LINGO2: variants seen among roughly 807,000 people sequenced by gnomAD.
LINGO2 encodes the protein leucine rich repeat and Ig domain containing 2.
Under a neutral mutation model 30.6 loss-of-function variants are expected in LINGO2, and 14 were observed. That is an observed-to-expected ratio of 0.46 (90% confidence interval 0.30 to 0.72). The LOEUF is 0.72. Among genes scored for constraint, LINGO2 ranks in the 30% least tolerant of loss-of-function variants. The pLI, the probability that LINGO2 is intolerant of heterozygous loss-of-function variation, is 0.07. For missense variants in LINGO2, 729 were observed against 751.7 expected, an observed-to-expected ratio of 0.97 and a Z score of 0.35; for synonymous variants, 317 against 288.5, an observed-to-expected ratio of 1.10 and a Z score of -1.00.
At chr9:29,087,453 A>T in the LINGO2 span, among the ~76,000 whole-genome samples, 1 of 152,192 alleles carries the variant, frequency 6.6e-6, no homozygotes, top group Non-Finnish European at 1.5e-5. Context: ...GAAGGAAAAG[A>T]AGCTCAAAGA....
At chr9:29,044,910 A>T in the LINGO2 span, among the ~76,000 whole-genome samples, 1 of 152,126 alleles carries the variant, frequency 6.6e-6, no homozygotes, top group African/African-American at 2.4e-5. Context: ...AAAATGGAAC[A>T]AGTATAACAA....
chr9:28,075,175 T>C (rs7033571), intron 4 of LINGO2, among the ~76,000 whole-genome samples: 15,042 of 151,896 alleles, frequency 0.099, 803 homozygotes, highest in Middle Eastern at 0.14. Context: ...AAATAGTGTT[T>C]AGTTTTACAT....
the LINGO2 span, among the ~76,000 whole-genome samples, chr9:29,141,847 G>A: frequency 6.6e-6 from 1 of 151,792 alleles, no homozygotes; most frequent in Admixed American, 6.6e-5. Flanking sequence ...TTCATCAGGA[G>A]CTATAAATAT....
At chr9:28,125,566 T>G (rs1169797476) in intron 4 of LINGO2, among the ~76,000 whole-genome samples, 2 of 152,164 alleles carry the variant, frequency 1.3e-5, no homozygotes, top group Non-Finnish European at 2.9e-5. Flanking sequence ...GACCCAACCT[T>G]ATGAACATAT....
intron 1 of LINGO2, among the ~76,000 whole-genome samples, chr9:28,621,773 C>T (rs1016107349): frequency 1.1e-4 from 17 of 151,508 alleles, no homozygotes; most frequent in African/African-American, 3.9e-4. Context: ...TTTTTGTTTC[C>T]CAGTGCATAT....
chr9:28,761,917 G>A, the LINGO2 span, among the ~76,000 whole-genome samples: 1 of 151,966 alleles, frequency 6.6e-6, no homozygotes, highest in African/African-American at 2.4e-5. Context: ...TATAAAGGGT[G>A]AGGTTTCATT....
the LINGO2 span, among the ~76,000 whole-genome samples, chr9:28,802,389 T>G: frequency 2.6e-5 from 4 of 152,210 alleles, no homozygotes; most frequent in South Asian, 8.3e-4. Context: ...ATCTGTAAGA[T>G]GAGCAGTTGT....
At chr9:28,702,798 G>A in the LINGO2 span, among the ~76,000 whole-genome samples, 106 of 151,926 alleles carry the variant, frequency 7.0e-4, no homozygotes, top group African/African-American at 2.5e-3. Context: ...GTTAACTACT[G>A]ATGCAATTTC....
the LINGO2 span, among the ~76,000 whole-genome samples, chr9:29,018,171 C>A: frequency 3.3e-5 from 5 of 149,552 alleles, no homozygotes; most frequent in East Asian, 9.8e-4. Flanking sequence ...TAATCCTAAG[C>A]AAACTGATGC....
chr9:28,034,362 G>A (rs1823830197), intron 4 of LINGO2, among the ~76,000 whole-genome samples: 1 of 152,174 alleles, frequency 6.6e-6, no homozygotes, highest in Non-Finnish European at 1.5e-5. Context: ...TTCCCGAGAA[G>A]CCCGTTCTAT....
chr9:27,959,663 C>T (rs922772038), intron 5 of LINGO2, among the ~76,000 whole-genome samples: 2 of 152,102 alleles, frequency 1.3e-5, no homozygotes, highest in African/African-American at 4.8e-5. Context: ...TCTTTTGAAA[C>T]CTACTATGAT....
chr9:29,016,902 GTAGCTTGTTCACA>G, the LINGO2 span, among the ~76,000 whole-genome samples: 16 of 152,090 alleles, frequency 1.1e-4, no homozygotes, highest in Admixed American at 1.1e-3. Flanking sequence ...GTTTTCTTCT[GTAGCTTGTTCACA>G]TAGCTTTTGT....
At chr9:28,107,557 T>C (rs1826632581) in intron 4 of LINGO2, among the ~76,000 whole-genome samples, 3 of 152,160 alleles carry the variant, frequency 2.0e-5, no homozygotes, top group Admixed American at 2.0e-4. Flanking sequence ...ATTTCATCTA[T>C]TTGTTTCAGT....
chr9:29,136,355 T>C, the LINGO2 span, among the ~76,000 whole-genome samples: 1 of 152,284 alleles, frequency 6.6e-6, no homozygotes, highest in East Asian at 1.9e-4. Flanking sequence ...CTCTATCTTC[T>C]TAACAAATCT....
the LINGO2 span, among the ~76,000 whole-genome samples, chr9:28,747,916 A>C: frequency 6.6e-6 from 1 of 152,082 alleles, no homozygotes; most frequent in Admixed American, 6.5e-5. Flanking sequence ...ACTTTATGTC[A>C]CTAACGTACT....
At chr9:28,231,189 A>G (rs1195557098) in intron 4 of LINGO2, among the ~76,000 whole-genome samples, 1 of 151,980 alleles carries the variant, frequency 6.6e-6, no homozygotes, top group Non-Finnish European at 1.5e-5. Flanking sequence ...CTTTATGAAC[A>G]AAGAAAAATG....
At chr9:28,368,475 T>C (rs777725153) in intron 3 of LINGO2, among the ~76,000 whole-genome samples, 5 of 152,156 alleles carry the variant, frequency 3.3e-5, no homozygotes, top group Non-Finnish European at 7.3e-5. Context: ...GTTAGAGAGA[T>C]GTATTAAGGG....
the LINGO2 span, among the ~76,000 whole-genome samples, chr9:29,191,975 T>A: frequency 6.6e-6 from 1 of 152,036 alleles, no homozygotes; most frequent in African/African-American, 2.4e-5. Context: ...AATTTTATTC[T>A]CCCACTAAAA....
chr9:28,944,919 AGATGAAATAGGCCTACTCTACT>A, the LINGO2 span, among the ~76,000 whole-genome samples: 1 of 152,352 alleles, frequency 6.6e-6, no homozygotes, highest in South Asian at 2.1e-4. Context: ...TCTACAAAAC[AGATGAAATAGGCCTACTCTACT>A]GATGCTTTTC....
Sources: gnomAD v4.1 joint callset for allele counts (sites outside exome capture counted in the v4.1 genomes callset) on GRCh38, gnomAD v4.1.1 for gene constraint, MANE v1.5 for transcripts, NCBI Gene and HGNC (gene_info 2026-07-23, HGNC 2026-07-21) for gene names.